The following CLK3 variants were observed in gnomAD, a reference collection of about 807,000 sequenced individuals.
CLK3 encodes the protein dual specificity protein kinase CLK3.
A neutral mutation model predicts 65.2 loss-of-function variants in CLK3; 24 were observed. The ratio of observed to expected loss-of-function variants is 0.37; its 90% CI spans 0.27 to 0.52. The LOEUF is 0.52. CLK3 is among the 20% of genes least tolerant of loss of function. CLK3 has a pLI of 0.92. For synonymous variants in CLK3, 252 were observed against 240.8 expected (o/e 1.05, Z -0.43); for missense variants, 506 against 660.0 (o/e 0.77, Z 2.56).
At chr15:74,614,179 A>G (rs1294217832), upstream of CLK3, among the ~76,000 whole-genome samples, 1 of 151,818 alleles carries the variant, frequency 6.6e-6, no homozygotes, top group African/African-American at 2.4e-5. Context: ...ACGTCTAGCT[A>G]ATTTTTGTAT....
chr15:74,615,877 T>C lies in CLK3; in HGVS notation c.-22T>C, dbSNP rs766767810. 2.8e-5 allele frequency: 35 copies of C among 1,255,436 alleles called. No individual in the cohort carries two copies. The highest frequency in any genetic ancestry group is 3.4e-5 in the Non-Finnish European group (34 of 1,000,130). 77.8% of individuals were successfully genotyped at this position (1,255,436 alleles called of 1,614,324 possible). On this transcript the variant is annotated 5_prime_UTR_variant, in exon 1 of 13. Coordinates refer to ENST00000395066, the MANE Select transcript of CLK3 (RefSeq NM_001130028.2). ...CTCGGAGCGGGGAGTGGGGCCTAGC[T>C]GCAGCCGGAGCCTGGGAGACGGTAA...
rs563285469 is a variant in CLK3, at chr15:74,627,832, C to A, written c.1043-138C>A. 77 of 1,216,712 alleles carry A rather than the reference C, an allele frequency of 6.3e-5. No individual in the cohort carries two copies. The African/African-American group carries it at 1.1e-3, about 17-fold the overall frequency. The allele number at this position is 1,216,712 out of a possible 1,614,324, so 75.4% of individuals were successfully genotyped here. ...ACACAGGTGACTGACCTGGCTTTAT[C>A]TGTCAGCCTTACTGAGAGAGGGCCT... On this transcript the variant is annotated intron_variant, in intron 9 of 12. Coordinates refer to ENST00000395066, the MANE Select transcript of CLK3 (RefSeq NM_001130028.2). This position sits in a 1 kb window ranked among gnomAD's most constrained non-coding sequence, Gnocchi z 4.3.
At chr15:74,609,675 A>G (rs924808950) in intron 1 of CLK3, among the ~76,000 whole-genome samples, 1 of 152,250 alleles carries the variant, frequency 6.6e-6, no homozygotes, top group African/African-American at 2.4e-5. Flanking sequence ...AGCTGCTGGC[A>G]TGGAGACTCT....
chr15:74,626,864 C>T (rs1163448602), intron 7 of CLK3: 1 of 399,492 alleles, frequency 2.5e-6, no homozygotes, highest in African/African-American at 2.1e-5. Flanking sequence ...GCGGGGCTGT[C>T]TTCCTGGGTA....
rs1328906290 is a variant in CLK3, at chr15:74,627,705, G to T, written c.1042+37G>T. 1.2e-6 allele frequency: 2 copies of T among 1,612,170 alleles called. No individual in the cohort carries two copies. Among genetic ancestry groups the T allele is most frequent in the South Asian group, 2.2e-5 (2 of 90,966 alleles). On this transcript the variant is annotated intron_variant, in intron 9 of 12. Transcript: ENST00000395066. The surrounding 1 kb of genome is among the most constrained non-coding windows in gnomAD (Gnocchi z 4.3). ...TATGGCCTGTGACCTTGTCATACTG[G>T]ACTGTTGTTGGGAGGGTATGAGCAG...
At position 74,629,958 on chromosome 15, in the gene CLK3, C is replaced by T; in HGVS notation, c.*75C>T. ...AGCCCCTTGACTCCAGCCTCGACCG[C>T]CAGGCCCCAGGCCAGAGCCACCCAA... On this transcript the variant is annotated 3_prime_UTR_variant, in exon 13 of 13. Coordinates refer to ENST00000395066, the MANE Select transcript of CLK3 (RefSeq NM_001130028.2). 1.4e-6 allele frequency: 2 copies of T among 1,406,768 alleles called. No homozygotes were observed. Among genetic ancestry groups the T allele is most frequent in the Non-Finnish European group, 1.9e-6 (2 of 1,032,650 alleles). 87.1% of individuals were successfully genotyped at this position (1,406,768 alleles called of 1,614,324 possible).
intron 2 of CLK3, 130 bp from the exon 3 acceptor site, chr15:74,619,879 T>G: frequency 6.8e-7 from 1 of 1,465,916 alleles, no homozygotes; most frequent in Non-Finnish European, 9.1e-7. Context: ...CTCTGCCCAC[T>G]TCCCACCAGT....
chr15:74,627,709 G>A lies in CLK3; in HGVS notation c.1042+41G>A. 6.2e-7 allele frequency: 1 copy of A among 1,611,252 alleles called. No homozygotes were observed. The highest frequency in any genetic ancestry group is 8.5e-7 in the Non-Finnish European group (1 of 1,178,616). On this transcript the variant is annotated intron_variant, in intron 9 of 12. Coordinates refer to ENST00000395066, the MANE Select transcript of CLK3 (RefSeq NM_001130028.2). This position sits in a 1 kb window ranked among gnomAD's most constrained non-coding sequence, Gnocchi z 4.3. Reference sequence around the variant, plus strand: ...GCCTGTGACCTTGTCATACTGGACTGTTGTTGGGAGGGTATGAGCAGAGGC... The same window carrying A: ...GCCTGTGACCTTGTCATACTGGACTATTGTTGGGAGGGTATGAGCAGAGGC...
upstream of CLK3, chr15:74,615,012 G>A (rs1294931800): frequency 5.8e-6 from 1 of 171,734 alleles, no homozygotes; most frequent in Non-Finnish European, 1.2e-5. Context: ...CATCTGGAAA[G>A]TGGGGCCTCG....
chr15:74,621,854 A>G lies in CLK3; in HGVS notation c.370-266A>G, dbSNP rs1440305872. On this transcript the variant is annotated intron_variant, in intron 3 of 12. Coordinates refer to ENST00000395066, the MANE Select transcript of CLK3 (RefSeq NM_001130028.2). The surrounding 1 kb of genome is among the most constrained non-coding windows in gnomAD (Gnocchi z 4.8). ...GTTTGTGGCGCTCCTCTTAAAGATA[A>G]TGTCCGAGTTTTCTTTACATACCTG... The G allele has an allele frequency of 4.4e-6, 2 of 459,526 alleles. No homozygotes were observed. The highest frequency in any genetic ancestry group is 4.0e-5 in the African/African-American group (2 of 50,444). The allele number at this position is 459,526 out of a possible 1,614,324, so 28.5% of individuals were successfully genotyped here.
chr15:74,629,399 TG>T, intron 12 of CLK3: 1 of 533,914 alleles, frequency 1.9e-6, no homozygotes. Flanking sequence ...CTCTGTCAAC[TG>T]CATTTGGTGC....
upstream of CLK3, chr15:74,615,413 A>C: frequency 8.0e-7 from 1 of 1,251,342 alleles, no homozygotes; most frequent in East Asian, 3.2e-5. Flanking sequence ...TCCGGCACAC[A>C]GACCTCAGGC....
intron 7 of CLK3, among the ~76,000 whole-genome samples, chr15:74,626,360 C>G (rs1171350135): frequency 3.3e-5 from 5 of 152,264 alleles, no homozygotes; most frequent in African/African-American, 9.6e-5. Flanking sequence ...CCTGACTTGT[C>G]ATCTCCCTGC....
chr15:74,617,175 T>G (rs2062067304), intron 1 of CLK3, among the ~76,000 whole-genome samples: 2 of 152,210 alleles, frequency 1.3e-5, no homozygotes, highest in Non-Finnish European at 1.5e-5. Flanking sequence ...AGATGTTATC[T>G]CCATTTTCCA....
chr15:74,615,748 G>A (rs1424089423), upstream of CLK3: 6 of 1,238,488 alleles, frequency 4.8e-6, no homozygotes, highest in Middle Eastern at 3.1e-4. Flanking sequence ...GGGCTAGAGC[G>A]GCCAGGCCTC....
rs748002749 is a variant in CLK3, at chr15:74,624,867, CTGA to C, written c.534-31_534-29del. The C allele has an allele frequency of 2.0e-5, 30 of 1,502,366 alleles. No individual in the cohort carries two copies. The highest frequency in any genetic ancestry group is 3.7e-4 in the Middle Eastern group (2 of 5,394). The allele number at this position is 1,502,366 out of a possible 1,614,324, so 93.1% of individuals were successfully genotyped here. ...GGGTTGGGGAAGGACTGGGCAGCTG[CTGA>C]TGAGAACCTCTGTTTCCTTCCCGGG... On this transcript the variant is annotated intron_variant, in intron 5 of 12. Transcript: ENST00000395066. The surrounding 1 kb of genome is among the most constrained non-coding windows in gnomAD (Gnocchi z 4.2).
chr15:74,628,432 G>A (rs2062161115), intron 10 of CLK3, among the ~76,000 whole-genome samples, 172 bp from the exon 11 acceptor site: 2 of 152,150 alleles, frequency 1.3e-5, no homozygotes, highest in South Asian at 4.1e-4. Context: ...CACCCACAAG[G>A]GCTGAGGAGC....
chr15:74,615,507 G>A, upstream of CLK3: 1 of 1,309,096 alleles, frequency 7.6e-7, no homozygotes, highest in Non-Finnish European at 9.7e-7. Flanking sequence ...GCGGGGTCGG[G>A]GCGACGGAGC....
rs1208398085 is a variant in CLK3, at chr15:74,619,270, C to T, written c.74C>T (p.Ser25Phe). ...AGCTACCGATGGAAGAGGAGGAGGT[C>T]CTACAGTCGGGAACATGAAGGGAGA... is the stretch of plus-strand genomic sequence containing the variant. ...YLSYRWKRRR[S>F]YSREHEGRLR... The change falls in exon 2 of 13, where the codon TCC becomes TTC. Residue 25 changes from serine to phenylalanine, a missense_variant. Physicochemically the swap from Ser to Phe is radical, Grantham distance 155. Coordinates refer to ENST00000395066, the MANE Select transcript of CLK3 (RefSeq NM_001130028.2). The T allele has an allele frequency of 1.2e-6, 2 of 1,614,182 alleles. No individual in the cohort carries two copies. The highest frequency in any genetic ancestry group is 4.5e-5 in the East Asian group (2 of 44,886).
Sources: allele counts gnomAD v4.1 joint callset (sites outside exome capture counted in the v4.1 genomes callset), GRCh38; gene constraint gnomAD v4.1.1; non-coding constraint Gnocchi (gnomAD v3.1); transcripts MANE v1.5; gene names NCBI Gene and HGNC (gene_info 2026-07-23, HGNC 2026-07-21).